The following PGM5 variants were observed in gnomAD, a reference collection of about 807,000 sequenced individuals.
PGM5 encodes phosphoglucomutase 5, also known as phosphoglucomutase-like protein 5.
PGM5 carries 23 observed loss-of-function variants against 59.2 expected under a neutral mutation model. The observed-to-expected ratio is 0.39, with a 90% CI of 0.28 to 0.55. The LOEUF (loss-of-function observed/expected upper bound fraction) is 0.55. Ranked by LOEUF, PGM5 falls within the 20% of genes least tolerant of loss-of-function variation. The probability of loss-of-function intolerance (pLI) is 0.66; values close to 1 mark genes in which losing one functional copy is unlikely to be tolerated. For synonymous variants in PGM5, 214 were observed against 286.0 expected (o/e 0.75, Z 2.54); for missense variants, 574 against 748.3 (o/e 0.77, Z 2.72).
At chr9:68,376,623 T>C (rs1363438352) in intron 1 of PGM5, among the ~76,000 whole-genome samples, 1 of 152,006 alleles carries the variant, frequency 6.6e-6, no homozygotes, top group Admixed American at 6.6e-5. Context: ...GCAACTTTGT[T>C]GTTGAACTGT....
At chr9:68,397,943 C>T (rs1554680173) in intron 6 of PGM5, 1 of 152,220 alleles carries the variant, frequency 6.6e-6, no homozygotes, top group Non-Finnish European at 1.5e-5. Context: ...AAAATATGTA[C>T]TATAGCTTTA....
At chr9:68,369,316 C>T (rs1834740956) in intron 1 of PGM5, among the ~76,000 whole-genome samples, 1 of 152,162 alleles carries the variant, frequency 6.6e-6, no homozygotes, top group Non-Finnish European at 1.5e-5. Context: ...TTCTTACATT[C>T]TTTCCCATCG....
At chr9:68,432,339 C>A (rs1400909720) in intron 6 of PGM5, among the ~76,000 whole-genome samples, 1 of 150,922 alleles carries the variant, frequency 6.6e-6, no homozygotes, top group Non-Finnish European at 1.5e-5. Context: ...AGCTGGATTA[C>A]ACAGGCAAGC....
intron 6 of PGM5, among the ~76,000 whole-genome samples, chr9:68,458,799 G>A (rs569853123): frequency 2.0e-5 from 3 of 152,306 alleles, no homozygotes; most frequent in Admixed American, 2.0e-4. Context: ...ACCTGAAAGT[G>A]TGAGTTGTTC....
At chr9:68,375,348 C>A (rs763912837) in intron 1 of PGM5, among the ~76,000 whole-genome samples, 3 of 152,212 alleles carry the variant, frequency 2.0e-5, no homozygotes, top group African/African-American at 4.8e-5. Context: ...TTTACCACAG[C>A]CCCTCTCTTC....
chr9:68,417,572 T>C (rs1162681415), intron 6 of PGM5, among the ~76,000 whole-genome samples: 3 of 152,188 alleles, frequency 2.0e-5, no homozygotes, highest in African/African-American at 7.2e-5. Context: ...TAGGCATTTT[T>C]AACCCCAAAG....
intron 10 of PGM5, among the ~76,000 whole-genome samples, chr9:68,524,446 G>A (rs1261548285): frequency 6.6e-6 from 1 of 152,104 alleles, no homozygotes; most frequent in Non-Finnish European, 1.5e-5. Flanking sequence ...TCCTACTGTT[G>A]ACTGTAGAAG....
rs967048378 is a variant in PGM5 at position 68,435,269 on chromosome 9, A to G, written c.1044-29824A>G. On this transcript the variant is annotated intron_variant, in intron 6 of 10. Transcript: ENST00000396396. The stretch of plus-strand genomic sequence containing the variant: ...AGAATTTTAACAGCTTTATTGAGAT[A>G]TAATTCACACACCATACAGTTTGCA... Among the ~76,000 whole-genome samples, 4 of 152,248 alleles carry G rather than the reference A, an allele frequency of 2.6e-5. No homozygotes were observed. The East Asian group carries it at 5.8e-4, about 22-fold the overall frequency.
rs1822826704 is a variant in PGM5, at chr9:68,406,722, A to ATATATG, written c.1043+14252_1043+14253insATGTAT. 2.4e-4 allele frequency among the ~76,000 whole-genome samples: 21 copies of ATATATG among 88,488 alleles called. 3 individuals are homozygous for ATATATG. The highest frequency in any genetic ancestry group is 3.3e-4 in the East Asian group (1 of 3,056). 58.1% of individuals were successfully genotyped at this position (88,488 alleles called of 152,430 possible). A position where few individuals can be genotyped will look rare whatever the true frequency, so the allele number is the denominator to read the frequency against. On this transcript the variant is annotated intron_variant, in intron 6 of 10. Coordinates refer to ENST00000396396, the MANE Select transcript of PGM5 (RefSeq NM_021965.4). ...TATATATATATATATATATATATAT[A>ATATATG]TATGTATATAGTGCTTACAGCAGTG...
intron 10 of PGM5, among the ~76,000 whole-genome samples, chr9:68,500,737 G>C (rs1274407739): frequency 6.6e-6 from 1 of 152,192 alleles, no homozygotes; most frequent in African/African-American, 2.4e-5. Flanking sequence ...AGCTACGTAC[G>C]TGAGGAATGA....
intron 1 of PGM5, among the ~76,000 whole-genome samples, chr9:68,364,122 AAC>A (rs1480012122): frequency 1.3e-5 from 2 of 152,222 alleles, no homozygotes; most frequent in African/African-American, 4.8e-5. Flanking sequence ...CAATGATATT[AAC>A]ACACAGTGCA....
intron 6 of PGM5, among the ~76,000 whole-genome samples, chr9:68,445,686 G>T (rs182258612): frequency 2.0e-5 from 3 of 152,184 alleles, no homozygotes; most frequent in African/African-American, 7.2e-5. Flanking sequence ...TGTTCTGATC[G>T]TATGAAGACC....
chr9:68,414,255 T>C (rs555779695), intron 6 of PGM5, among the ~76,000 whole-genome samples: 1 of 152,282 alleles, frequency 6.6e-6, no homozygotes, highest in Admixed American at 6.5e-5. Flanking sequence ...ACCTCTTTTC[T>C]TAATAAATTA....
intron 6 of PGM5, among the ~76,000 whole-genome samples, chr9:68,423,746 A>T (rs1314839702): frequency 1.3e-5 from 2 of 152,132 alleles, no homozygotes; most frequent in African/African-American, 4.8e-5. Context: ...CAATTCCATA[A>T]ATAGTCAGAG....
chr9:68,498,242 G>A (rs1208030429), intron 9 of PGM5: 1 of 152,048 alleles, frequency 6.6e-6, no homozygotes, highest in African/African-American at 2.4e-5. Flanking sequence ...TTACACTAAA[G>A]GTGTTTCTAT....
At chr9:68,370,193 C>T (rs1410105181) in intron 1 of PGM5, among the ~76,000 whole-genome samples, 4 of 152,178 alleles carry the variant, frequency 2.6e-5, no homozygotes, top group African/African-American at 9.7e-5. Context: ...TGTCTTCACT[C>T]TCTCCAATTC....
At chr9:68,490,683 C>A (rs1824376595) in intron 9 of PGM5, among the ~76,000 whole-genome samples, 1 of 152,178 alleles carries the variant, frequency 6.6e-6, no homozygotes, top group Non-Finnish European at 1.5e-5. Context: ...ACATTCTAAT[C>A]AATGAACTAA....
intron 6 of PGM5, among the ~76,000 whole-genome samples, chr9:68,454,295 A>G (rs945856352): frequency 1.3e-5 from 2 of 152,122 alleles, no homozygotes; most frequent in African/African-American, 4.8e-5. Flanking sequence ...GGTAGCCCTG[A>G]TGTTACTTGC....
At chr9:68,452,220 C>A (rs1464640648) in intron 6 of PGM5, among the ~76,000 whole-genome samples, 1 of 152,212 alleles carries the variant, frequency 6.6e-6, no homozygotes, top group Non-Finnish European at 1.5e-5. Flanking sequence ...GTCTTCCATT[C>A]CTACCAGCCC....
Sources: allele counts gnomAD v4.1 joint callset (sites outside exome capture counted in the v4.1 genomes callset), GRCh38; gene constraint gnomAD v4.1.1; transcripts MANE v1.5; gene names NCBI Gene and HGNC (gene_info 2026-07-23, HGNC 2026-07-21).